C9orf50: variants seen among roughly 807,000 people sequenced by gnomAD.
C9orf50 encodes uncharacterized protein C9orf50.
A neutral mutation model predicts 42.5 loss-of-function variants in C9orf50; 33 were observed. The ratio of observed to expected loss-of-function variants is 0.78; its 90% CI spans 0.59 to 1.04. The LOEUF is 1.04. Among genes scored for constraint, C9orf50 ranks in the 50% least tolerant of loss-of-function variants. The probability of loss-of-function intolerance (pLI) is 0.00; values close to 1 mark genes in which losing one functional copy is unlikely to be tolerated. For missense variants in C9orf50, 547 were observed against 594.3 expected, an observed-to-expected ratio of 0.92 and a Z score of 0.83; for synonymous variants, 257 against 273.4, an observed-to-expected ratio of 0.94 and a Z score of 0.59.
intron 6 of C9orf50, 128 bp downstream of exon 6, chr9:129,612,979 G>C (rs893373000): frequency 7.4e-6 from 9 of 1,211,312 alleles, no homozygotes; most frequent in Non-Finnish European, 1.0e-5. Flanking sequence ...AAGCCCCCAC[G>C]GTGACTTGGC....
chr9:129,612,425 C>A (rs141615044), exon 7 of C9orf50: 18,808 of 1,612,648 alleles, frequency 0.012, 146 homozygotes, highest in Non-Finnish European at 0.013. Flanking sequence ...TCAGGACCGA[C>A]TGCAGCACCC....
At chr9:129,616,986 G>C (rs569974591) in intron 3 of C9orf50, among the ~76,000 whole-genome samples, 11 of 152,128 alleles carry the variant, frequency 7.2e-5, no homozygotes, top group Admixed American at 6.5e-4. Flanking sequence ...AGAATCACTT[G>C]AACCCAGGAG....
upstream of C9orf50, among the ~76,000 whole-genome samples, chr9:129,621,028 G>A (rs1352326107): frequency 1.3e-5 from 2 of 152,206 alleles, no homozygotes; most frequent in Admixed American, 1.3e-4. Context: ...GCTCTGGTCT[G>A]CAGAATGGGG....
At chr9:129,615,757 T>C in intron 3 of C9orf50, 110 bp from the exon 4 acceptor site, 1 of 1,196,352 alleles carries the variant, frequency 8.4e-7, no homozygotes, top group Non-Finnish European at 1.1e-6. Flanking sequence ...TACACTGGTC[T>C]TGAAGAATGG....
rs1165443617 is a variant in C9orf50 at position 129,614,829 on chromosome 9, G to C, written c.880+655C>G. On this transcript the variant is annotated intron_variant, in intron 4 of 6. Transcript: ENST00000372478. This position sits in a 1 kb window ranked among gnomAD's most constrained non-coding sequence, Gnocchi z 4.4. ...AGGCAGGAGAATGGCATGAACCCGG[G>C]AGGTGGAGCTTGCAGCGAGCCGAGA... 6.6e-6 allele frequency among the ~76,000 whole-genome samples: 1 copy of C among 152,192 alleles called. No homozygotes were observed. Among genetic ancestry groups the C allele is most frequent in the South Asian group, 2.1e-4 (1 of 4,832 alleles).
At chr9:129,617,840 C>T (rs1176471612) in intron 3 of C9orf50, among the ~76,000 whole-genome samples, 12 of 152,100 alleles carry the variant, frequency 7.9e-5, no homozygotes, top group African/African-American at 2.7e-4. Context: ...TGCACCACCA[C>T]GCCCAGCTAA....
At position 129,620,140 on chromosome 9, in the gene C9orf50, C is replaced by G. The variant is rs1416281557; in HGVS notation, c.435G>C (p.Glu145Asp). 6.9e-7 allele frequency: 1 copy of G among 1,458,054 alleles called. No individual in the cohort carries two copies. Among genetic ancestry groups the G allele is most frequent in the East Asian group, 2.5e-5 (1 of 39,928 alleles). The allele number at this position is 1,458,054 out of a possible 1,614,324, so 90.3% of individuals were successfully genotyped here. A position where few individuals can be genotyped will look rare whatever the true frequency, so the allele number is the denominator to read the frequency against. Residue 145 changes from glutamate (E) to aspartate (D), a missense_variant, in exon 1 of 7, where the codon GAG becomes GAC. By Grantham distance (45) the Glu-to-Asp change is conservative (BLOSUM62 2). Transcript: ENST00000372478. The surrounding 1 kb of genome is among the most constrained non-coding windows in gnomAD (Gnocchi z 5.8). ...ACTCACGGAACCTGCTGGGGAGGAG[C>G]TCTCCTAGGAAGGCGCCCAAGAAGT...
rs1588125244 is a variant in C9orf50, at chr9:129,620,338, G to C, written c.237C>G (p.Arg79=). Residue 79 remains arginine (R), a synonymous_variant, in exon 1 of 7, where the codon CGC becomes CGG. Coordinates refer to ENST00000372478, the Ensembl canonical transcript of C9orf50. The surrounding 1 kb of genome is among the most constrained non-coding windows in gnomAD (Gnocchi z 5.8). ...GGGTCGCGGTGAGCAAGGCGGGCAG[G>C]CGCGGCGGGAGGCGTCCGACGCCCA... The C allele has an allele frequency of 1.2e-5, 15 of 1,230,864 alleles. No individual in the cohort carries two copies. The East Asian group carries it at 4.9e-4, about 40-fold the overall frequency. 76.2% of individuals were successfully genotyped at this position (1,230,864 alleles called of 1,614,324 possible). A position where few individuals can be genotyped will look rare whatever the true frequency, so the allele number is the denominator to read the frequency against.
chr9:129,620,028 A>T lies in C9orf50; in HGVS notation c.508+39T>A, dbSNP rs1363832872. The T allele has an allele frequency of 4.8e-6, 7 of 1,456,742 alleles. No individual in the cohort carries two copies. In the South Asian group the frequency reaches 8.6e-5, roughly 18 times the overall value. The allele number at this position is 1,456,742 out of a possible 1,614,324, so 90.2% of individuals were successfully genotyped here. On this transcript the variant is annotated intron_variant, in intron 1 of 6. Coordinates refer to ENST00000372478, the Ensembl canonical transcript of C9orf50. The surrounding 1 kb of genome is among the most constrained non-coding windows in gnomAD (Gnocchi z 5.8). ...CACAAGGGACCACCCCCCACCGGAA[A>T]TGACTCGGGCCCGCCCCCCGGGCCC...
chr9:129,614,720 T>C lies in C9orf50; in HGVS notation c.880+764A>G, dbSNP rs1362450464. On this transcript the variant is annotated intron_variant, in intron 4 of 6. Transcript: ENST00000372478. This position sits in a 1 kb window ranked among gnomAD's most constrained non-coding sequence, Gnocchi z 4.4. Reference sequence around the variant, plus strand: ...GAGTTCGAGACCACCCTGGTCAACATGGAGAAACCCCGTCTCTACTAAAAA... The same window carrying C: ...GAGTTCGAGACCACCCTGGTCAACACGGAGAAACCCCGTCTCTACTAAAAA... 1.3e-5 allele frequency among the ~76,000 whole-genome samples: 2 copies of C among 151,956 alleles called. No homozygotes were observed. Among genetic ancestry groups the C allele is most frequent in the Non-Finnish European group, 2.9e-5 (2 of 67,976 alleles).
Position 129,613,231 on chromosome 9 carries a change from C to T in C9orf50, c.1064G>A (p.Gly355Asp). 1 of 1,610,936 alleles carries T rather than the reference C, an allele frequency of 6.2e-7. No individual in the cohort carries two copies. Among genetic ancestry groups the T allele is most frequent in the Non-Finnish European group, 8.5e-7 (1 of 1,178,306 alleles). ...CATGGAGGTGTCCTCAGAAAGGTAG[C>T]CCTGTGTCTTCTGGGTGGACCTGGG... The change falls in exon 6 of 7, where the codon GGC (glycine) becomes GAC (aspartate). Residue 355 changes from glycine to aspartate, a missense_variant. Gly to Asp is a moderately conservative substitution (Grantham distance 94, BLOSUM62 -1). This residue lies in a region of C9orf50 where 334 missense variants were observed against 323.7 expected (regional missense o/e 1.03). Transcript: ENST00000372478. The surrounding 1 kb of genome is among the most constrained non-coding windows in gnomAD (Gnocchi z 6.2).
chr9:129,615,538 C>G (rs779932522), exon 4 of C9orf50: 2 of 1,610,542 alleles, frequency 1.2e-6, no homozygotes, highest in Admixed American at 1.7e-5. Flanking sequence ...GTCTCGTCAG[C>G]GAATCGCACC....
At chr9:129,615,354 T>C in intron 4 of C9orf50, 130 bp downstream of exon 4, 1 of 1,012,068 alleles carries the variant, frequency 9.9e-7, no homozygotes, top group Non-Finnish European at 1.4e-6. Context: ...AGGCACATCC[T>C]CTGCAGGATC....
chr9:129,613,126 G>C lies in C9orf50; in HGVS notation c.1169C>G (p.Pro390Arg). The C allele has an allele frequency of 1.2e-6, 2 of 1,613,876 alleles. No homozygotes were observed. Among genetic ancestry groups the C allele is most frequent in the Admixed American group, 1.7e-5 (1 of 60,022 alleles). Residue 390 changes from proline to arginine, a missense_variant, in exon 6 of 7, where the codon CCG becomes CGG. Physicochemically the swap from Pro to Arg is moderately radical, Grantham distance 103. Around this residue, in one of 3 missense-constraint regions of C9orf50, gnomAD observed 334 missense variants for 323.7 expected, o/e 1.03. Transcript: ENST00000372478. The surrounding 1 kb of genome is among the most constrained non-coding windows in gnomAD (Gnocchi z 6.2). ...GCCCACCTGCTCCAGGTTTCTGTGC[G>C]GGTCCAAGAAGGCTCGGAGGCTGCT... is the stretch of plus-strand genomic sequence containing the variant.
chr9:129,612,481 C>A (rs1457840952), intron 6 of C9orf50, 27 bp from the exon 7 acceptor site: 1 of 1,590,064 alleles, frequency 6.3e-7, no homozygotes, highest in South Asian at 1.1e-5. Context: ...GACCAGCTGG[C>A]TGCTACCAGG....
At position 129,613,422 on chromosome 9, in the gene C9orf50, C is replaced by G; in HGVS notation, c.1043+13G>C. On this transcript the variant is annotated intron_variant, in intron 5 of 6. Coordinates refer to ENST00000372478, the Ensembl canonical transcript of C9orf50. This position sits in a 1 kb window ranked among gnomAD's most constrained non-coding sequence, Gnocchi z 6.2. ...AATGTCCACGAGTCCCATCCGCTTC[C>G]CTGGAGCCTCACAGGCCAGCGCAGT... 1 of 1,612,558 alleles carries G rather than the reference C, an allele frequency of 6.2e-7. No individual in the cohort carries two copies. Among genetic ancestry groups the G allele is most frequent in the Non-Finnish European group, 8.5e-7 (1 of 1,179,116 alleles).
At position 129,615,515 on chromosome 9, in the gene C9orf50, T is replaced by TGTGTCCTGCA. The variant is rs1381345300; in HGVS notation, c.839_848dup (p.Thr284AlafsTer79). On this transcript the variant is annotated frameshift_variant, in exon 4 of 7. Transcript: ENST00000372478. LOFTEE classifies it high-confidence loss of function. ...GTCTGCGCTCCCAGTAGCGGAGCGT[T>TGTGTCCTGCA]GTGTCCTGCAGGGTCTCGTCAGCGA... 19 of 1,608,874 alleles carry TGTGTCCTGCA rather than the reference T, an allele frequency of 1.2e-5. No homozygotes were observed. Among genetic ancestry groups the TGTGTCCTGCA allele is most frequent in the Non-Finnish European group, 1.6e-5 (19 of 1,178,196 alleles).
rs78835654 is a variant in C9orf50, at chr9:129,616,873, C to A, written c.717-1226G>T. ...AGATCAAAAGGTCAAGAGATCCAGA[C>A]CATCCTGGCCAACATGGTGAAACCC... On this transcript the variant is annotated intron_variant, in intron 3 of 6. Transcript: ENST00000372478. Among the ~76,000 whole-genome samples the A allele has an allele frequency of 2.0e-3, 303 of 152,262 alleles. 1 individual carries two copies. Among genetic ancestry groups the A allele is most frequent in the African/African-American group, 6.8e-3 (284 of 41,546 alleles).
At chr9:129,621,497 C>T (rs1830710766), upstream of C9orf50, among the ~76,000 whole-genome samples, 1 of 152,228 alleles carries the variant, frequency 6.6e-6, no homozygotes, top group Non-Finnish European at 1.5e-5. Flanking sequence ...GCTGGGACTA[C>T]AGGCACACAC....
Sources: gnomAD v4.1 joint callset for allele counts (sites outside exome capture counted in the v4.1 genomes callset) on GRCh38, gnomAD v4.1.1 for gene constraint, gnomAD v4.1.1 regional missense constraint, Gnocchi (gnomAD v3.1) non-coding constraint, MANE v1.5 for transcripts, NCBI Gene and HGNC (gene_info 2026-07-23, HGNC 2026-07-21) for gene names.